The following RTL4 variants were observed in gnomAD, a reference collection of about 807,000 sequenced individuals.
RTL4 encodes the protein retrotransposon Gag like 4.
In RTL4, 4 loss-of-function variants were observed where a neutral mutation model predicts 5.3. The ratio of observed to expected loss-of-function variants is 0.75; its 90% CI spans 0.37 to 1.72. RTL4 has a LOEUF of 1.72. Ranked by LOEUF, RTL4 falls within the 40% of genes most tolerant of loss-of-function variation. RTL4 has a pLI of 0.04. For missense variants in RTL4, 260 were observed against 227.1 expected, an observed-to-expected ratio of 1.14 and a Z score of -0.93; for synonymous variants, 98 against 87.3, an observed-to-expected ratio of 1.12 and a Z score of -0.68.
chrX:112,236,434 G>GATCTAT, the RTL4 span, among the ~76,000 whole-genome samples: 130 of 73,218 alleles, frequency 1.8e-3, 2 homozygotes, highest in African/African-American at 8.1e-3. Context: ...TATAGATATA[G>GATCTAT]ATCTATATCT....
chrX:112,310,080 A>C, the RTL4 span, among the ~76,000 whole-genome samples: 1 of 104,780 alleles, frequency 9.5e-6, no homozygotes, highest in Non-Finnish European at 1.9e-5. Context: ...TGAATTTCAT[A>C]GTCCATTCTA....
the RTL4 span, among the ~76,000 whole-genome samples, chrX:112,305,315 C>A: frequency 9.3e-6 from 1 of 107,539 alleles, no homozygotes; most frequent in African/African-American, 3.4e-5. Flanking sequence ...CACCACCATA[C>A]CTGGCTAATT....
At chrX:112,337,114 T>C in the RTL4 span, among the ~76,000 whole-genome samples, 89 of 111,804 alleles carry the variant, frequency 8.0e-4, no homozygotes, top group African/African-American at 2.5e-3. Flanking sequence ...CTTTAGCCTG[T>C]TAGAAAATGT....
chrX:112,123,652 T>C, the RTL4 span, among the ~76,000 whole-genome samples: 17,696 of 111,215 alleles, frequency 0.16, 2,124 homozygotes, highest in African/African-American at 0.42. Flanking sequence ...CTGAGGTCTG[T>C]GTTCTCTTCC....
chrX:112,448,519 G>A, the RTL4 span, among the ~76,000 whole-genome samples: 1 of 111,663 alleles, frequency 9.0e-6, no homozygotes, highest in Non-Finnish European at 1.9e-5. Flanking sequence ...GCAAGTTATA[G>A]AATCTATGGG....
chrX:112,234,500 T>C, the RTL4 span, among the ~76,000 whole-genome samples: 4 of 111,513 alleles, frequency 3.6e-5, no homozygotes, highest in African/African-American at 1.3e-4. Context: ...TATATATTCC[T>C]GGGGACTAGG....
chrX:112,300,631 A>G, the RTL4 span, among the ~76,000 whole-genome samples: 1 of 112,158 alleles, frequency 8.9e-6, no homozygotes, highest in Non-Finnish European at 1.9e-5. Flanking sequence ...AGGGTTTTAA[A>G]TTTTTTCACC....
At chrX:112,285,747 A>G in the RTL4 span, among the ~76,000 whole-genome samples, 1 of 111,298 alleles carries the variant, frequency 9.0e-6, no homozygotes, top group Non-Finnish European at 1.9e-5. Flanking sequence ...ATGACTTTCA[A>G]ATTTATAGCT....
chrX:112,453,949 G>A (rs1227356329), upstream of RTL4, among the ~76,000 whole-genome samples: 2 of 111,371 alleles, frequency 1.8e-5, no homozygotes, highest in African/African-American at 6.5e-5. Context: ...CAACAACCCT[G>A]ATGAGCATGC....
At chrX:112,168,973 CTT>C in the RTL4 span, among the ~76,000 whole-genome samples, 1 of 95,528 alleles carries the variant, frequency 1.0e-5, no homozygotes, top group Admixed American at 1.1e-4. Flanking sequence ...CTTTTTCTTT[CTT>C]TCTTTCCTTT....
At chrX:112,380,725 G>C in the RTL4 span, among the ~76,000 whole-genome samples, 3 of 112,540 alleles carry the variant, frequency 2.7e-5, no homozygotes, top group African/African-American at 9.7e-5. Context: ...GGGCGCGGCC[G>C]TTGCCAGGGC....
the RTL4 span, among the ~76,000 whole-genome samples, chrX:112,296,672 C>G: frequency 9.6e-6 from 1 of 104,584 alleles, no homozygotes; most frequent in African/African-American, 3.5e-5. Context: ...TGCAGTGGCA[C>G]AATCTCGGCT....
At chrX:112,286,287 A>T in the RTL4 span, among the ~76,000 whole-genome samples, 7 of 112,142 alleles carry the variant, frequency 6.2e-5, no homozygotes, top group African/African-American at 2.3e-4. Context: ...ACTGGGGAGT[A>T]GTAGGTGAGA....
At chrX:112,272,308 T>G in the RTL4 span, among the ~76,000 whole-genome samples, 1 of 112,065 alleles carries the variant, frequency 8.9e-6, no homozygotes, top group Non-Finnish European at 1.9e-5. Context: ...ATCTAACATT[T>G]TTTTCTTTAT....
the RTL4 span, among the ~76,000 whole-genome samples, chrX:112,181,388 C>T: frequency 1.8e-5 from 2 of 111,867 alleles, no homozygotes; most frequent in East Asian, 2.8e-4. Context: ...TCTAGCTCAG[C>T]GGATCCCACC....
chrX:112,200,240 G>A, the RTL4 span, among the ~76,000 whole-genome samples: 13 of 111,911 alleles, frequency 1.2e-4, no homozygotes, highest in Admixed American at 4.7e-4. Flanking sequence ...CAGACTGTCC[G>A]TGCCAACATG....
the RTL4 span, among the ~76,000 whole-genome samples, chrX:112,226,581 C>T: frequency 9.0e-6 from 1 of 111,439 alleles, no homozygotes; most frequent in Non-Finnish European, 1.9e-5. Context: ...AGTCACCTCT[C>T]TAAGCTATAG....
chrX:112,084,101 G>A, the RTL4 span, among the ~76,000 whole-genome samples: 1 of 110,853 alleles, frequency 9.0e-6, no homozygotes, highest in African/African-American at 3.3e-5. Context: ...CACGCCCTGG[G>A]AGCCTAAGTG....
At chrX:112,133,259 T>C in the RTL4 span, among the ~76,000 whole-genome samples, 1 of 112,184 alleles carries the variant, frequency 8.9e-6, no homozygotes, top group African/African-American at 3.2e-5. Context: ...AAAAATTCTT[T>C]AGTAGTGTAA....
Sources: allele counts gnomAD v4.1 joint callset (sites outside exome capture counted in the v4.1 genomes callset), GRCh38; gene constraint gnomAD v4.1.1; transcripts MANE v1.5; gene names NCBI Gene and HGNC (gene_info 2026-07-23, HGNC 2026-07-21).